Variants in C1orf21 observed in about 807,000 individuals in gnomAD.
C1orf21 encodes the protein chromosome 1 open reading frame 21, also known as uncharacterized protein C1orf21.
A neutral mutation model predicts 18.7 loss-of-function variants in C1orf21; 3 were observed. That is an observed-to-expected ratio of 0.16 (90% CI 0.07 to 0.42). The LOEUF (loss-of-function observed/expected upper bound fraction) is 0.42. Among genes scored for constraint, C1orf21 ranks in the 10% least tolerant of loss-of-function variants. C1orf21 has a pLI of 0.99. For missense variants in C1orf21, 104 were observed against 143.6 expected, an observed-to-expected ratio of 0.72 and a Z score of 1.41; for synonymous variants, 41 against 46.4, an observed-to-expected ratio of 0.88 and a Z score of 0.47.
chr1:184,545,955 C>T (rs1485710947), intron 3 of C1orf21: 3 of 152,168 alleles, frequency 2.0e-5, no homozygotes, highest in Non-Finnish European at 4.4e-5. Flanking sequence ...AATTCTCCTT[C>T]GATTATGAAG....
At chr1:184,400,679 T>TG (rs1267040729) in intron 1 of C1orf21, among the ~76,000 whole-genome samples, 7 of 147,578 alleles carry the variant, frequency 4.7e-5, no homozygotes, top group African/African-American at 1.8e-4. Flanking sequence ...GTGGGGAATT[T>TG]TTTGTTGTTG....
At chr1:184,582,231 C>T (rs143826596) in intron 3 of C1orf21, among the ~76,000 whole-genome samples, 3 of 152,326 alleles carry the variant, frequency 2.0e-5, no homozygotes, top group African/African-American at 4.8e-5. Flanking sequence ...GGATTGTTTT[C>T]TTAGAGATTA....
intron 1 of C1orf21, among the ~76,000 whole-genome samples, chr1:184,465,377 A>G (rs1226091128): frequency 1.3e-5 from 2 of 152,316 alleles, no homozygotes; most frequent in African/African-American, 4.8e-5. Context: ...TTCTCTTTCA[A>G]AAAAGCAAAA....
At chr1:184,509,398 C>G (rs1443762124) in intron 3 of C1orf21, among the ~76,000 whole-genome samples, 1 of 152,164 alleles carries the variant, frequency 6.6e-6, no homozygotes, top group Admixed American at 6.5e-5. Context: ...CTGTGACAAG[C>G]CTCGCCCCTT....
chr1:184,546,112 TTTC>T (rs1171976480), intron 3 of C1orf21: 2 of 152,380 alleles, frequency 1.3e-5, no homozygotes, highest in East Asian at 3.9e-4. Context: ...TATCTATGGC[TTTC>T]TTCTTAATTA....
intron 2 of C1orf21, among the ~76,000 whole-genome samples, chr1:184,482,170 C>T (rs73063548): frequency 0.018 from 2,685 of 152,190 alleles, 80 homozygotes; most frequent in African/African-American, 0.062. Context: ...TGTTCTCTCC[C>T]GGGCTCAGTC....
chr1:184,580,122 G>C (rs1659256177), intron 3 of C1orf21, among the ~76,000 whole-genome samples: 1 of 151,762 alleles, frequency 6.6e-6, no homozygotes. Context: ...AAAATGTCTT[G>C]AACATCCCTA....
intron 3 of C1orf21, among the ~76,000 whole-genome samples, chr1:184,522,910 A>G (rs1658324267): frequency 3.3e-5 from 5 of 151,604 alleles, no homozygotes. Context: ...CTGGTCTTGA[A>G]CTCTTGAGCT....
chr1:184,608,625 C>T (rs1046527620), intron 5 of C1orf21, among the ~76,000 whole-genome samples: 8 of 152,168 alleles, frequency 5.3e-5, no homozygotes, highest in Admixed American at 2.0e-4. Context: ...TTCAGTAAGC[C>T]GGATAGTACC....
chr1:184,595,856 A>C (rs542957730), intron 4 of C1orf21, among the ~76,000 whole-genome samples: 5 of 152,012 alleles, frequency 3.3e-5, no homozygotes, highest in African/African-American at 1.2e-4. Context: ...CTGGTGTGTG[A>C]CTCTTCTTCG....
rs80207651 is a variant in C1orf21 at position 184,540,067 on chromosome 1, A to G, written c.189+32385A>G. 1,071 of 152,314 alleles carry G rather than the reference A, an allele frequency of 7.0e-3. 12 individuals are homozygous for G. The highest frequency in any genetic ancestry group is 0.025 in the African/African-American group (1,024 of 41,564). The allele number at this position is 152,314 out of a possible 1,614,324, so 9.4% of individuals were successfully genotyped here. The stretch of plus-strand genomic sequence containing the variant: ...TACTACAACATAACCAAACTAAAAT[A>G]CCTCACCTATGGATAATGAGTGGTA... On this transcript the variant is annotated intron_variant, in intron 3 of 5. Transcript: ENST00000235307.
intron 3 of C1orf21, among the ~76,000 whole-genome samples, chr1:184,538,709 A>C (rs1487987309): frequency 2.0e-5 from 3 of 152,050 alleles, no homozygotes; most frequent in East Asian, 3.9e-4. Context: ...TGTTGGAAAG[A>C]CTCTCTTTTC....
intron 1 of C1orf21, among the ~76,000 whole-genome samples, chr1:184,423,942 G>A (rs1409576541): frequency 6.6e-6 from 1 of 151,980 alleles, no homozygotes; most frequent in Non-Finnish European, 1.5e-5. Context: ...TGTTACTGGG[G>A]TAGGTGCTGG....
At chr1:184,446,320 C>G (rs1657029390) in intron 1 of C1orf21, among the ~76,000 whole-genome samples, 1 of 151,978 alleles carries the variant, frequency 6.6e-6, no homozygotes, top group Middle Eastern at 3.2e-3. Flanking sequence ...ATTCCTTTTC[C>G]TATTCTTCAG....
intron 1 of C1orf21, among the ~76,000 whole-genome samples, chr1:184,418,555 T>G (rs1656496813): frequency 6.6e-6 from 1 of 152,176 alleles, no homozygotes; most frequent in Non-Finnish European, 1.5e-5. Context: ...CTGCTGGACT[T>G]AGCTGTCTGA....
chr1:184,464,913 C>T (rs1471156018), intron 1 of C1orf21, among the ~76,000 whole-genome samples: 1 of 152,128 alleles, frequency 6.6e-6, no homozygotes, highest in African/African-American at 2.4e-5. Flanking sequence ...TGCCTCAGTT[C>T]TCTCTCTTTC....
chr1:184,589,272 A>G (rs1433202719), intron 3 of C1orf21, among the ~76,000 whole-genome samples: 5 of 152,234 alleles, frequency 3.3e-5, no homozygotes, highest in Admixed American at 3.3e-4. Context: ...ACTTGGAAGG[A>G]ACTTACGCCT....
intron 1 of C1orf21, among the ~76,000 whole-genome samples, chr1:184,432,680 G>GA (rs1007147787): frequency 5.2e-4 from 78 of 150,938 alleles, no homozygotes; most frequent in African/African-American, 1.8e-3. Flanking sequence ...AAAAAGAAAA[G>GA]AAAAAAAAAT....
At chr1:184,603,403 T>C (rs1417156788) in intron 5 of C1orf21, among the ~76,000 whole-genome samples, 1 of 152,256 alleles carries the variant, frequency 6.6e-6, no homozygotes, top group Admixed American at 6.5e-5. Flanking sequence ...CTGTGTGATC[T>C]TGAGATTCTG....
Sources: gnomAD v4.1 joint callset for allele counts (sites outside exome capture counted in the v4.1 genomes callset) on GRCh38, gnomAD v4.1.1 for gene constraint, MANE v1.5 for transcripts, NCBI Gene and HGNC (gene_info 2026-07-23, HGNC 2026-07-21) for gene names.